The following DHX29 variants were observed in gnomAD, a reference collection of about 807,000 sequenced individuals.
The protein encoded by DHX29 is ATP-dependent RNA helicase DHX29.
DHX29 carries 79 observed loss-of-function variants against 167.9 expected under a neutral mutation model. The ratio of observed to expected loss-of-function variants is 0.47; its 90% CI spans 0.39 to 0.57. DHX29 has a LOEUF of 0.57. Among genes scored for constraint, DHX29 ranks in the 20% least tolerant of loss-of-function variants. The pLI, the probability that DHX29 is intolerant of heterozygous loss-of-function variation, is 0.00. For missense variants in DHX29, 1,347 were observed against 1,593.4 expected (o/e 0.85, Z 2.63); for synonymous variants, 530 against 546.0 (o/e 0.97, Z 0.41).
intron 1 of DHX29, among the ~76,000 whole-genome samples, 154 bp downstream of exon 1, chr5:55,307,233 C>T (rs1310829373): frequency 6.6e-6 from 1 of 152,222 alleles, no homozygotes; most frequent in Non-Finnish European, 1.5e-5. Flanking sequence ...CTTTTTTAAT[C>T]TAAAACAAGG....
rs1380777215 is a variant in DHX29 at position 55,283,809 on chromosome 5, T to A, written c.1359A>T (p.Ser453=). 1 of 1,573,640 alleles carries A rather than the reference T, an allele frequency of 6.4e-7. No individual in the cohort carries two copies. The stretch of plus-strand genomic sequence containing the variant: ...AAGTGGGAGGAAGTAACTGATGAAC[T>A]GACTAAAGGAAAAACAGAGGTATGT... ...LALYRLVKGQ[S]VHQLLPPTYR... is the part of the protein sequence containing the mutation. Residue 453 remains serine (S), a splice_region_variant and synonymous_variant, in exon 11 of 27, where the codon TCA becomes TCT. Coordinates refer to ENST00000251636, the MANE Select transcript of DHX29 (RefSeq NM_019030.4).
At chr5:55,259,748 T>G in intron 26 of DHX29, 100 bp downstream of exon 26, 3 of 647,380 alleles carry the variant, frequency 4.6e-6, no homozygotes, top group Non-Finnish European at 5.4e-6. Flanking sequence ...TGAGCCACCG[T>G]GCCTGGCCTC....
chr5:55,283,292 C>A lies in DHX29; in HGVS notation c.1876G>T (p.Val626Phe). ...NEWEASKCNI[V>F]CTQPRRISAV... ...GAGATTCTTCGGGGTTGGGTACAGACAATGTTACATTTACTTGCTTCCCAC... is the reference window on the plus strand; with the variant it reads ...GAGATTCTTCGGGGTTGGGTACAGAAAATGTTACATTTACTTGCTTCCCAC... Residue 626 changes from valine (V) to phenylalanine (F), a missense_variant, in exon 11 of 27, where the codon GTC becomes TTC. Coordinates refer to ENST00000251636, the MANE Select transcript of DHX29 (RefSeq NM_019030.4). 1.9e-6 allele frequency: 3 copies of A among 1,614,104 alleles called. No homozygotes were observed. Among genetic ancestry groups the A allele is most frequent in the Non-Finnish European group, 2.5e-6 (3 of 1,179,988 alleles).
chr5:55,282,017 C>G (rs1166466451), intron 11 of DHX29, among the ~76,000 whole-genome samples: 1 of 151,974 alleles, frequency 6.6e-6, no homozygotes, highest in Non-Finnish European at 1.5e-5. Context: ...AACTCCTGAC[C>G]TCAGGTGATC....
At chr5:55,262,290 T>C (rs1017372747) in intron 24 of DHX29, among the ~76,000 whole-genome samples, 1 of 152,180 alleles carries the variant, frequency 6.6e-6, no homozygotes, top group Admixed American at 6.5e-5. Context: ...TATTTGGAAA[T>C]AGCACATACA....
chr5:55,265,094 G>GAAAAAA (rs11336502), intron 23 of DHX29, among the ~76,000 whole-genome samples: 15 of 136,444 alleles, frequency 1.1e-4, no homozygotes, highest in Middle Eastern at 3.8e-3. Flanking sequence ...AAAGAAAAAA[G>GAAAAAA]AAAAAAAAAA....
chr5:55,283,898 C>A, intron 10 of DHX29, 87 bp from the exon 11 acceptor site: 1 of 1,085,346 alleles, frequency 9.2e-7, no homozygotes, highest in Non-Finnish European at 1.3e-6. Context: ...TAGCTATATT[C>A]ATCTTAAAAT....
rs912140095 is a variant in DHX29 at position 55,259,743 on chromosome 5, C to T, written c.4057+105G>A. On this transcript the variant is annotated intron_variant, in intron 26 of 26. Transcript: ENST00000251636. Reference sequence around the variant, plus strand: ...AAGTGCTGGGATTATGGGCGTGAGCCACCGTGCCTGGCCTCTTAGAAAGTT... The same window carrying T: ...AAGTGCTGGGATTATGGGCGTGAGCTACCGTGCCTGGCCTCTTAGAAAGTT... The T allele has an allele frequency of 2.6e-5, 16 of 610,628 alleles. No individual in the cohort carries two copies. In the Admixed American group the frequency reaches 3.1e-4, roughly 12 times the overall value. The allele number at this position is 610,628 out of a possible 1,614,324, so 37.8% of individuals were successfully genotyped here.
At chr5:55,307,332 G>A (rs1748925887) in intron 1 of DHX29, 55 bp downstream of exon 1, 6 of 1,509,692 alleles carry the variant, frequency 4.0e-6, no homozygotes, top group Non-Finnish European at 5.4e-6. Flanking sequence ...CCTTTCCTCA[G>A]GACAAGCAGC....
At chr5:55,267,424 T>G (rs771586438) in intron 22 of DHX29, among the ~76,000 whole-genome samples, 193 bp from the exon 23 acceptor site, 4 of 152,192 alleles carry the variant, frequency 2.6e-5, no homozygotes, top group Non-Finnish European at 4.4e-5. Flanking sequence ...GACAGATATT[T>G]TCCATTTATG....
At chr5:55,285,234 G>A (rs570892787) in intron 10 of DHX29, 59 bp downstream of exon 10, 7 of 1,574,756 alleles carry the variant, frequency 4.4e-6, no homozygotes, top group Admixed American at 3.7e-5. Flanking sequence ...AGAGAAAATT[G>A]AACCATAATT....
At chr5:55,273,521 T>C in intron 16 of DHX29, 144 bp from the exon 17 acceptor site, 1 of 1,083,238 alleles carries the variant, frequency 9.2e-7, no homozygotes, top group Non-Finnish European at 1.2e-6. Context: ...TTTACAGAAT[T>C]GTACAATGAA....
intron 6 of DHX29, among the ~76,000 whole-genome samples, chr5:55,293,465 T>C (rs1438745065): frequency 2.0e-5 from 3 of 152,218 alleles, no homozygotes; most frequent in Admixed American, 6.5e-5. Context: ...CTGATCCTTT[T>C]AGTTTTAGCC....
At chr5:55,280,762 T>C (rs1747358861) in intron 12 of DHX29, among the ~76,000 whole-genome samples, 1 of 152,216 alleles carries the variant, frequency 6.6e-6, no homozygotes, top group Non-Finnish European at 1.5e-5. Context: ...TGCTTCTTCA[T>C]AGTAGTTCAC....
At chr5:55,270,744 G>A (rs930433553) in intron 18 of DHX29, 38 bp from the exon 19 acceptor site, 33 of 1,556,292 alleles carry the variant, frequency 2.1e-5, no homozygotes, top group Non-Finnish European at 2.9e-5. Context: ...GTAGATAATT[G>A]ACTTAAGTCA....
intron 6 of DHX29, among the ~76,000 whole-genome samples, chr5:55,290,706 A>G (rs1214097909): frequency 2.6e-5 from 4 of 152,334 alleles, no homozygotes; most frequent in African/African-American, 9.6e-5. Flanking sequence ...AATAAAAAGT[A>G]GAGCTCATTT....
intron 6 of DHX29, among the ~76,000 whole-genome samples, chr5:55,292,416 G>A (rs1460117531): frequency 3.3e-5 from 5 of 151,838 alleles, no homozygotes; most frequent in South Asian, 2.1e-4. Context: ...TCCAATTACC[G>A]ATATGAACCT....
At position 55,295,389 on chromosome 5, in the gene DHX29, G is replaced by C. The variant is rs138071400; in HGVS notation, c.641C>G (p.Pro214Arg). The part of the protein sequence containing the change: ...QPKTKTYEED[P>R]KSKPKKEEKN... ...TAATTCTCAAATTACCTTACTCTTA[G>C]GGTCCTCTTCATATGTTTTTGTTTT... The change falls in exon 5 of 27, where the codon CCT (proline) becomes CGT (arginine). Residue 214 changes from proline to arginine, a missense_variant. By Grantham distance (103) the Pro-to-Arg change is moderately radical. Around this residue, in one of 3 missense-constraint regions of DHX29, gnomAD observed 405 missense variants for 416.8 expected, o/e 0.97. Transcript: ENST00000251636. 9 of 1,610,388 alleles carry C rather than the reference G, an allele frequency of 5.6e-6. No individual in the cohort carries two copies. In the African/African-American group the frequency reaches 1.1e-4, roughly 19 times the overall value.
At position 55,266,450 on chromosome 5, in the gene DHX29, C is replaced by T. The variant is rs1169239985; in HGVS notation, c.3525+688G>A. Among the ~76,000 whole-genome samples the T allele has an allele frequency of 2.0e-5, 3 of 151,416 alleles. No individual in the cohort carries two copies. The East Asian group carries it at 5.8e-4, about 29-fold the overall frequency. ...TCAGCCTCCCGAGTAGCTGGGATTA[C>T]AGGCATGCGCCACCACACCTGGCTA... On this transcript the variant is annotated intron_variant, in intron 23 of 26. Coordinates refer to ENST00000251636, the MANE Select transcript of DHX29 (RefSeq NM_019030.4).
Sources: allele counts gnomAD v4.1 joint callset (sites outside exome capture counted in the v4.1 genomes callset), GRCh38; gene constraint gnomAD v4.1.1; regional missense constraint gnomAD v4.1.1; transcripts MANE v1.5; gene names NCBI Gene and HGNC (gene_info 2026-07-23, HGNC 2026-07-21).